The following FREM1 variants were observed in gnomAD, a reference collection of about 807,000 sequenced individuals.
FREM1 encodes the protein FRAS1-related extracellular matrix protein 1.
In FREM1, 220 loss-of-function variants were observed where a neutral mutation model predicts 210.1. That is an observed-to-expected ratio of 1.05 (90% CI 0.94 to 1.17). FREM1 has a LOEUF of 1.17. Ranked by LOEUF, FREM1 falls within the 50% of genes most tolerant of loss-of-function variation. The pLI, the probability that FREM1 is intolerant of heterozygous loss-of-function variation, is 0.00. For missense variants in FREM1, 3,454 were observed against 2,675.5 expected, an observed-to-expected ratio of 1.29 and a Z score of -6.42; for synonymous variants, 1,189 against 980.2, an observed-to-expected ratio of 1.21 and a Z score of -3.98.
chr9:14,833,751 AT>A (rs1255164387), intron 10 of FREM1, among the ~76,000 whole-genome samples: 2 of 152,056 alleles, frequency 1.3e-5, no homozygotes. Context: ...AAAGGCCTTT[AT>A]GTTTTTCTTT....
intron 35 of FREM1, among the ~76,000 whole-genome samples, chr9:14,744,101 A>G (rs1264613955): frequency 6.6e-6 from 1 of 152,044 alleles, no homozygotes; most frequent in Non-Finnish European, 1.5e-5. Flanking sequence ...CCACCAACTT[A>G]TCAACCAAAA....
At chr9:14,756,594 T>C in intron 28 of FREM1, 148 bp from the exon 29 acceptor site, 1 of 553,660 alleles carries the variant, frequency 1.8e-6, no homozygotes, top group Middle Eastern at 4.1e-4. Context: ...ATATAAGCCA[T>C]TTGGGATCCA....
At chr9:14,819,500 G>C (rs1204600742) in intron 13 of FREM1, 58 bp from the exon 14 acceptor site, 1 of 1,042,132 alleles carries the variant, frequency 9.6e-7, no homozygotes, top group Non-Finnish European at 1.5e-6. Flanking sequence ...CCTGAAGACA[G>C]AGCTCATTAC....
chr9:14,819,179 T>A, intron 14 of FREM1, 55 bp downstream of exon 14: 1 of 1,284,276 alleles, frequency 7.8e-7, no homozygotes, highest in Non-Finnish European at 1.1e-6. Flanking sequence ...GCCTCACAAC[T>A]GATCTAGATA....
chr9:14,895,682 A>C (rs542460939), intron 1 of FREM1, among the ~76,000 whole-genome samples: 1 of 152,062 alleles, frequency 6.6e-6, no homozygotes, highest in South Asian at 2.1e-4. Context: ...TAAGCCTACT[A>C]GATGTTTTCT....
At chr9:14,863,577 C>T (rs558149051) in intron 3 of FREM1, among the ~76,000 whole-genome samples, 102 of 152,160 alleles carry the variant, frequency 6.7e-4, no homozygotes, top group African/African-American at 2.3e-3. Context: ...AAACAGGATA[C>T]GGCTAAAAAT....
Position 14,851,600 on chromosome 9 carries a change from C to A in FREM1, c.836G>T (p.Ser279Ile), listed in dbSNP as rs750566875. ...TCTGATATAGACAGGCAGCCACGCA[C>A]TCTCTGACTTTTGAAGGATAGAGAA... ...TRSKIVYKSE[S>I]AWLPVYIRAG... The change falls in exon 6 of 37, where the codon AGT becomes ATT. Residue 279 changes from serine (S) to isoleucine (I), a missense_variant. Transcript: ENST00000380880. The A allele has an allele frequency of 1.2e-6, 2 of 1,612,270 alleles. No individual in the cohort carries two copies. The highest frequency in any genetic ancestry group is 8.5e-7 in the Non-Finnish European group (1 of 1,178,350).
intron 22 of FREM1, among the ~76,000 whole-genome samples, chr9:14,791,820 G>C (rs200311022): frequency 2.7e-5 from 4 of 150,234 alleles, no homozygotes; most frequent in African/African-American, 9.8e-5. Context: ...TCAGATAATG[G>C]TTTGTTTTGT....
intron 1 of FREM1, among the ~76,000 whole-genome samples, chr9:14,907,504 C>T (rs1191621739): frequency 1.3e-5 from 2 of 152,132 alleles, no homozygotes; most frequent in Non-Finnish European, 2.9e-5. Context: ...CCTGTTCAGA[C>T]CACCCAGCTC....
chr9:14,791,171 G>A (rs1851237350), intron 22 of FREM1: 1 of 152,142 alleles, frequency 6.6e-6, no homozygotes, highest in Non-Finnish European at 1.5e-5. Context: ...GACCTTCTCA[G>A]GTGACTGATC....
chr9:14,746,826 G>T, intron 34 of FREM1, 97 bp downstream of exon 34: 1 of 1,378,904 alleles, frequency 7.3e-7, no homozygotes, highest in Non-Finnish European at 9.8e-7. Context: ...GGAAGATGTA[G>T]CATGGGTTGA....
chr9:14,861,308 T>A (rs544940231), intron 3 of FREM1, among the ~76,000 whole-genome samples: 1 of 115,334 alleles, frequency 8.7e-6, no homozygotes, highest in East Asian at 2.5e-4. Flanking sequence ...TATACACATA[T>A]ATACATATAT....
At chr9:14,849,195 G>A (rs1827220675) in intron 6 of FREM1, among the ~76,000 whole-genome samples, 1 of 152,066 alleles carries the variant, frequency 6.6e-6, no homozygotes, top group Non-Finnish European at 1.5e-5. Flanking sequence ...AGAAGTCGGT[G>A]TGTGGGAAAA....
chr9:14,758,966 T>A (rs1239544951), intron 28 of FREM1, among the ~76,000 whole-genome samples: 2 of 152,174 alleles, frequency 1.3e-5, no homozygotes, highest in East Asian at 3.9e-4. Flanking sequence ...TAGATGGGTT[T>A]AAGCTGCCTA....
rs1818416802 is a variant in FREM1, at chr9:14,806,609, T to A, written c.3274+52A>T. The A allele has an allele frequency of 2.3e-5, 25 of 1,078,880 alleles. 1 individual carries two copies. The South Asian group carries it at 3.4e-4, about 15-fold the overall frequency. The allele number at this position is 1,078,880 out of a possible 1,614,324, so 66.8% of individuals were successfully genotyped here. ...TATTAAGCATGACCTGGCCAATCGC[T>A]TCCATAAATATAAGGAAGGGAGTCA... On this transcript the variant is annotated intron_variant, in intron 18 of 36. Coordinates refer to ENST00000380880, the MANE Select transcript of FREM1 (RefSeq NM_001379081.2).
At chr9:14,817,334 C>T (rs563663559) in intron 14 of FREM1, among the ~76,000 whole-genome samples, 1 of 152,326 alleles carries the variant, frequency 6.6e-6, no homozygotes, top group African/African-American at 2.4e-5. Flanking sequence ...CAGCTTTTCT[C>T]TAAAACCTTG....
chr9:14,897,872 G>A (rs1325756716), intron 1 of FREM1, among the ~76,000 whole-genome samples: 3 of 152,186 alleles, frequency 2.0e-5, no homozygotes, highest in Non-Finnish European at 4.4e-5. Flanking sequence ...GGGATTATAG[G>A]CATGAGCCAT....
Position 14,842,484 on chromosome 9 carries a change from G to A in FREM1, c.1570C>T (p.Leu524Phe). The A allele has an allele frequency of 6.2e-7, 1 of 1,614,050 alleles. No homozygotes were observed. The highest frequency in any genetic ancestry group is 8.5e-7 in the Non-Finnish European group (1 of 1,179,894). ...AGTTCAATCACAACATTGGTTATGA[G>A]GAACGGGGGACTATCATCTTTGGGC... ...VLPKDDSPPF[L>F]ITNVVIELEE... The change falls in exon 9 of 37, where the codon CTC becomes TTC. Residue 524 changes from leucine to phenylalanine, a missense_variant. By Grantham distance (22) the Leu-to-Phe change is conservative (BLOSUM62 0). Coordinates refer to ENST00000380880, the MANE Select transcript of FREM1 (RefSeq NM_001379081.2).
intron 21 of FREM1, among the ~76,000 whole-genome samples, chr9:14,793,670 G>A (rs1851817144): frequency 6.6e-6 from 1 of 152,118 alleles, no homozygotes; most frequent in Admixed American, 6.6e-5. Flanking sequence ...CATCATGTGG[G>A]GCCTAACTCT....
Sources: allele counts gnomAD v4.1 joint callset (sites outside exome capture counted in the v4.1 genomes callset), GRCh38; gene constraint gnomAD v4.1.1; transcripts MANE v1.5; gene names NCBI Gene and HGNC (gene_info 2026-07-23, HGNC 2026-07-21).